RNF145: variants seen among roughly 807,000 people sequenced by gnomAD.
RNF145 encodes ring finger protein 145.
Under a neutral mutation model 57.3 loss-of-function variants are expected in RNF145, and 12 were observed. That is an observed-to-expected ratio of 0.21 (90% CI 0.13 to 0.34). RNF145 has a LOEUF of 0.34. RNF145 is among the 10% of genes least tolerant of loss of function. The pLI, the probability that RNF145 is intolerant of heterozygous loss-of-function variation, is 1.00. For missense variants in RNF145, 429 were observed against 799.0 expected (o/e 0.54, Z 5.58); for synonymous variants, 262 against 288.3 (o/e 0.91, Z 0.92).
intron 3 of RNF145, among the ~76,000 whole-genome samples, chr5:159,193,011 G>C (rs1001075049): frequency 6.6e-6 from 1 of 152,082 alleles, no homozygotes; most frequent in African/African-American, 2.4e-5. Flanking sequence ...AAGGCCACAG[G>C]AACAGAGGTG....
intron 10 of RNF145, among the ~76,000 whole-genome samples, chr5:159,160,599 T>C (rs753557718): frequency 5.9e-5 from 9 of 152,218 alleles, no homozygotes; most frequent in African/African-American, 1.2e-4. Context: ...GCACAGGTGA[T>C]TGATGATTAA....
intron 8 of RNF145, among the ~76,000 whole-genome samples, chr5:159,166,090 G>A (rs1247298889): frequency 6.6e-6 from 1 of 152,174 alleles, no homozygotes; most frequent in Admixed American, 6.5e-5. Flanking sequence ...CATAGGTATT[G>A]GCAGATTTTT....
intron 3 of RNF145, among the ~76,000 whole-genome samples, chr5:159,192,595 T>C (rs568720424): frequency 6.6e-6 from 1 of 152,346 alleles, no homozygotes; most frequent in South Asian, 2.1e-4. Context: ...AAAACATTGC[T>C]ATGTGATAAA....
At chr5:159,206,850 TGAA>T (rs1785904380) in intron 1 of RNF145, among the ~76,000 whole-genome samples, 1 of 152,128 alleles carries the variant, frequency 6.6e-6, no homozygotes, top group Non-Finnish European at 1.5e-5. Context: ...ATGTCCTCCT[TGAA>T]CTTTGAAAAG....
chr5:159,159,076 T>G lies in RNF145; in HGVS notation c.1627-41A>C, dbSNP rs201235207. The G allele has an allele frequency of 4.0e-4, 616 of 1,553,282 alleles. 1 individual carries two copies. The highest frequency in any genetic ancestry group is 8.7e-4 in the Middle Eastern group (5 of 5,768). On this transcript the variant is annotated intron_variant, in intron 10 of 10. Transcript: ENST00000424310. ...AAAAGATACCTTATAAATGTCTGTT[T>G]TCTAGTATCTTTGGTGCTATCCCCA...
At chr5:159,198,996 A>G (rs956245093) in intron 2 of RNF145, among the ~76,000 whole-genome samples, 2 of 152,176 alleles carry the variant, frequency 1.3e-5, no homozygotes, top group African/African-American at 4.8e-5. Flanking sequence ...ACATATATAT[A>G]AAATTCATTC....
chr5:159,184,093 G>T (rs1199976158), intron 3 of RNF145, among the ~76,000 whole-genome samples: 1 of 152,138 alleles, frequency 6.6e-6, no homozygotes, highest in Admixed American at 6.6e-5. Flanking sequence ...CTCTTTGTGA[G>T]GGACAAGAAA....
At chr5:159,181,733 C>A (rs1008559757) in intron 4 of RNF145, among the ~76,000 whole-genome samples, 1 of 150,758 alleles carries the variant, frequency 6.6e-6, no homozygotes, top group African/African-American at 2.4e-5. Context: ...TAAAAAAACA[C>A]AAGCAACTGT....
At chr5:159,167,127 G>C (rs921800956) in intron 8 of RNF145, among the ~76,000 whole-genome samples, 1 of 152,146 alleles carries the variant, frequency 6.6e-6, no homozygotes, top group African/African-American at 2.4e-5. Flanking sequence ...TGTGGTAAGT[G>C]GAATTTTTCT....
intron 8 of RNF145, among the ~76,000 whole-genome samples, chr5:159,164,871 G>C (rs1410198382): frequency 6.6e-6 from 1 of 152,116 alleles, no homozygotes. Flanking sequence ...AGCTAAACGT[G>C]GAAATTACCT....
At chr5:159,186,726 C>G (rs1360398184) in intron 3 of RNF145, among the ~76,000 whole-genome samples, 1 of 152,130 alleles carries the variant, frequency 6.6e-6, no homozygotes, top group South Asian at 2.1e-4. Context: ...TCTTTAGTTT[C>G]TTTCTGGCCT....
At chr5:159,175,874 ACT>A (rs1784705649) in intron 5 of RNF145, among the ~76,000 whole-genome samples, 1 of 152,156 alleles carries the variant, frequency 6.6e-6, no homozygotes, top group South Asian at 2.1e-4. Flanking sequence ...ACATTTTAAC[ACT>A]CTCTTTTTAT....
chr5:159,179,925 C>T (rs145829016), intron 4 of RNF145, among the ~76,000 whole-genome samples: 1 of 152,076 alleles, frequency 6.6e-6, no homozygotes. Context: ...TGAGACTTAT[C>T]CCTTACTCTA....
At chr5:159,167,046 A>G (rs1367046614) in intron 8 of RNF145, among the ~76,000 whole-genome samples, 1 of 152,260 alleles carries the variant, frequency 6.6e-6, no homozygotes, top group Non-Finnish European at 1.5e-5. Context: ...ATCTGGCTCA[A>G]GAAGTTTGCC....
At chr5:159,170,458 G>C (rs374785722) in intron 6 of RNF145, among the ~76,000 whole-genome samples, 1 of 152,174 alleles carries the variant, frequency 6.6e-6, no homozygotes, top group East Asian at 1.9e-4. Flanking sequence ...CTATTCATAA[G>C]GATAACTGGA....
At chr5:159,162,646 G>A (rs1784266367) in intron 9 of RNF145, among the ~76,000 whole-genome samples, 2 of 151,664 alleles carry the variant, frequency 1.3e-5, no homozygotes, top group Admixed American at 1.3e-4. Context: ...TTGTTAGCCA[G>A]GATGGTCTCG....
chr5:159,166,142 A>C (rs551663343), intron 8 of RNF145, among the ~76,000 whole-genome samples: 1 of 152,248 alleles, frequency 6.6e-6, no homozygotes, highest in East Asian at 1.9e-4. Context: ...TGCATGTAAA[A>C]CAGTATCTCA....
At chr5:159,209,173 G>A (rs1176152334) in intron 1 of RNF145, 58 bp downstream of exon 1, 3 of 776,650 alleles carry the variant, frequency 3.9e-6, no homozygotes, top group South Asian at 5.8e-5. Context: ...GAGGGAGGCC[G>A]TGGGAAGCGG....
chr5:159,210,010 C>T (rs1786057058), upstream of RNF145: 6 of 960,904 alleles, frequency 6.2e-6, no homozygotes, highest in Non-Finnish European at 9.6e-6. Flanking sequence ...GCACCAAGTG[C>T]AGGCACTCAA....
Sources: gnomAD v4.1 joint callset for allele counts (sites outside exome capture counted in the v4.1 genomes callset) on GRCh38, gnomAD v4.1.1 for gene constraint, MANE v1.5 for transcripts, NCBI Gene and HGNC (gene_info 2026-07-23, HGNC 2026-07-21) for gene names.